NVL: variants seen among roughly 807,000 people sequenced by gnomAD.
The protein encoded by NVL is nuclear VCP like.
In NVL, 84 loss-of-function variants were observed where a neutral mutation model predicts 110.2. That is an observed-to-expected ratio of 0.76 (90% CI 0.64 to 0.91). The LOEUF is 0.91. NVL is among the 40% of genes least tolerant of loss of function. NVL has a pLI of 0.00. For missense variants in NVL, 882 were observed against 1,035.9 expected, an observed-to-expected ratio of 0.85 and a Z score of 2.04; for synonymous variants, 354 against 361.1, an observed-to-expected ratio of 0.98 and a Z score of 0.22.
intron 5 of NVL, among the ~76,000 whole-genome samples, chr1:224,311,195 C>G (rs1394678979): frequency 6.6e-6 from 1 of 151,602 alleles, no homozygotes; most frequent in East Asian, 1.9e-4. Flanking sequence ...GTAGCTGGGA[C>G]CACAGGTGCA....
At chr1:224,310,982 C>T (rs1053288070) in intron 5 of NVL, among the ~76,000 whole-genome samples, 1 of 152,176 alleles carries the variant, frequency 6.6e-6, no homozygotes, top group Non-Finnish European at 1.5e-5. Flanking sequence ...ATCTTCCTGC[C>T]TCAGCCTCCC....
At chr1:224,322,902 T>C (rs1487728904) in intron 2 of NVL, among the ~76,000 whole-genome samples, 1 of 151,540 alleles carries the variant, frequency 6.6e-6, no homozygotes, top group Non-Finnish European at 1.5e-5. Context: ...TGCAGTGAGC[T>C]GAGATTGCGC....
chr1:224,253,339 G>A (rs187554473), intron 18 of NVL, among the ~76,000 whole-genome samples: 34 of 151,040 alleles, frequency 2.3e-4, no homozygotes, highest in Admixed American at 1.1e-3. Context: ...CCTGAGCCAC[G>A]GCTCCCAGGC....
In NVL at chr1:224,286,328, C is replaced by T. The variant is rs139809432; in HGVS notation, c.1795-198G>A. On this transcript the variant is annotated intron_variant, in intron 14 of 22. Transcript: ENST00000281701. Reference sequence around the variant, plus strand: ...TCAAGCAATCCTCCCACCTTAGCCTCGTGAGTAGCTGGGACTACAGGCACA... The same window carrying T: ...TCAAGCAATCCTCCCACCTTAGCCTTGTGAGTAGCTGGGACTACAGGCACA... Among the ~76,000 whole-genome samples, 1,302 of 151,946 alleles carry T rather than the reference C, an allele frequency of 8.6e-3. 22 individuals are homozygous for T. Among genetic ancestry groups the T allele is most frequent in the African/African-American group, 0.029 (1,202 of 41,414 alleles).
intron 18 of NVL, among the ~76,000 whole-genome samples, chr1:224,252,313 G>A (rs1443921267): frequency 1.3e-5 from 2 of 151,998 alleles, no homozygotes; most frequent in African/African-American, 2.4e-5. Flanking sequence ...CACAGAGCAA[G>A]CCCCATACCT....
intron 19 of NVL, 127 bp downstream of exon 19, chr1:224,250,085 A>G (rs1017675915): frequency 4.7e-5 from 38 of 814,864 alleles, no homozygotes; most frequent in South Asian, 3.3e-4. Context: ...CCTTTGGGAG[A>G]TATAGGCTGG....
At chr1:224,266,710 C>A (rs569860636) in intron 18 of NVL, among the ~76,000 whole-genome samples, 8 of 152,294 alleles carry the variant, frequency 5.3e-5, no homozygotes, top group South Asian at 2.1e-4. Flanking sequence ...TGATTCTGTT[C>A]AACTCTGAGG....
intron 12 of NVL, 61 bp downstream of exon 12, chr1:224,294,206 T>A: frequency 6.4e-7 from 1 of 1,565,872 alleles, no homozygotes; most frequent in Non-Finnish European, 8.8e-7. Context: ...CACCTCTTAC[T>A]TTCAAACCAT....
chr1:224,319,499 G>A (rs978728710), intron 2 of NVL, among the ~76,000 whole-genome samples: 2 of 151,980 alleles, frequency 1.3e-5, no homozygotes, highest in Non-Finnish European at 2.9e-5. Context: ...AGTAGAGACA[G>A]GATATAGTTG....
intron 13 of NVL, 145 bp downstream of exon 13, chr1:224,289,339 C>A: frequency 6.2e-6 from 4 of 641,914 alleles, no homozygotes; most frequent in South Asian, 3.1e-5. Context: ...TGATAAACAT[C>A]GTGGGTATAA....
At chr1:224,300,525 C>A (rs200297160) in intron 10 of NVL, 37 bp downstream of exon 10, 5 of 1,463,336 alleles carry the variant, frequency 3.4e-6, no homozygotes, top group Admixed American at 3.5e-5. Flanking sequence ...AAGCTGGTAG[C>A]GTCTGACCAC....
At chr1:224,310,447 C>T (rs569656898) in intron 5 of NVL, among the ~76,000 whole-genome samples, 1 of 152,182 alleles carries the variant, frequency 6.6e-6, no homozygotes, top group Non-Finnish European at 1.5e-5. Flanking sequence ...ATTACTAATG[C>T]CATCTCCTTG....
intron 18 of NVL, among the ~76,000 whole-genome samples, chr1:224,250,710 C>T (rs962369023): frequency 3.3e-5 from 5 of 151,900 alleles, no homozygotes; most frequent in Admixed American, 1.3e-4. Context: ...ATCCCTCAAC[C>T]GCTCCCACTC....
chr1:224,261,072 C>T (rs1663924572), intron 18 of NVL, among the ~76,000 whole-genome samples: 2 of 152,014 alleles, frequency 1.3e-5, no homozygotes, highest in South Asian at 4.2e-4. Context: ...GACGGGGTTT[C>T]ACCATGTTGG....
chr1:224,275,397 G>A lies in NVL; in HGVS notation c.2024C>T (p.Pro675Leu), dbSNP rs1305744982. 6.2e-7 allele frequency: 1 copy of A among 1,613,930 alleles called. No homozygotes were observed. Among genetic ancestry groups the A allele is most frequent in the Non-Finnish European group, 8.5e-7 (1 of 1,180,012 alleles). ...CACTTCATCAAAGAATATCACACAGGGTGCTGAGTTCTTGGCTCGTTGAAA... is the reference window on the plus strand; with the variant it reads ...CACTTCATCAAAGAATATCACACAGAGTGCTGAGTTCTTGGCTCGTTGAAA... ...QVFQRAKNSAPCVIFFDEVDA... is the reference protein window; with the variant it reads ...QVFQRAKNSALCVIFFDEVDA... The change falls in exon 17 of 23, where the codon CCC becomes CTC. Residue 675 changes from proline to leucine, a missense_variant. By Grantham distance (98) the Pro-to-Leu change is moderately conservative (BLOSUM62 -3). Around this residue, in one of 4 missense-constraint regions of NVL, gnomAD observed 66 missense variants for 127.5 expected, o/e 0.52. Coordinates refer to ENST00000281701, the MANE Select transcript of NVL (RefSeq NM_002533.4).
At chr1:224,280,535 G>A (rs570298276) in intron 16 of NVL, among the ~76,000 whole-genome samples, 107 of 152,110 alleles carry the variant, frequency 7.0e-4, no homozygotes, top group African/African-American at 2.5e-3. Flanking sequence ...AAATACTTAA[G>A]TATAACTCCC....
At chr1:224,313,061 C>T (rs563909932) in intron 4 of NVL, 15 of 384,176 alleles carry the variant, frequency 3.9e-5, no homozygotes, top group Non-Finnish European at 5.9e-5. Context: ...TGTGAGGCTG[C>T]GGTGGGAGGA....
chr1:224,303,702 A>G (rs767541620), intron 9 of NVL, 21 bp downstream of exon 9: 1 of 1,596,936 alleles, frequency 6.3e-7, no homozygotes, highest in Non-Finnish European at 8.5e-7. Context: ...GCAAAAGCAA[A>G]CAAATGTCAG....
intron 13 of NVL, 74 bp downstream of exon 13, chr1:224,289,410 T>C (rs1445860327): frequency 1.3e-6 from 2 of 1,501,184 alleles, no homozygotes; most frequent in Non-Finnish European, 1.8e-6. Context: ...CTCAATTGTA[T>C]TGACCCTTGC....
Sources: allele counts gnomAD v4.1 joint callset (sites outside exome capture counted in the v4.1 genomes callset), GRCh38; gene constraint gnomAD v4.1.1; regional missense constraint gnomAD v4.1.1; transcripts MANE v1.5; gene names NCBI Gene and HGNC (gene_info 2026-07-23, HGNC 2026-07-21).